The following ZNF600 variants were observed in gnomAD, a reference collection of about 807,000 sequenced individuals.
ZNF600 encodes zinc finger protein 600, also known as zinc finger protein KR-ZNF1.
ZNF600 carries 4 observed loss-of-function variants against 7.3 expected under a neutral mutation model. The ratio of observed to expected loss-of-function variants is 0.55; its 90% CI spans 0.27 to 1.25. ZNF600 has a LOEUF of 1.25. ZNF600 is among the 50% of genes most tolerant of loss of function. ZNF600 has a pLI of 0.12. For synonymous variants in ZNF600, 290 were observed against 308.9 expected (o/e 0.94, Z 0.64); for missense variants, 911 against 922.1 (o/e 0.99, Z 0.16).
chr19:52,764,364 C>CG (rs2147471786), downstream of ZNF600: 1 of 152,018 alleles, frequency 6.6e-6, no homozygotes, highest in South Asian at 2.1e-4. Context: ...GTGCACACCA[C>CG]CACCCCCCGG....
the ZNF600 span, among the ~76,000 whole-genome samples, chr19:52,793,845 C>A: frequency 1.3e-5 from 2 of 150,726 alleles, no homozygotes; most frequent in African/African-American, 2.4e-5. Flanking sequence ...TCAGTCATTT[C>A]ATGTATACGT....
At chr19:52,801,780 A>G in the ZNF600 span, 3 of 1,325,100 alleles carry the variant, frequency 2.3e-6, no homozygotes, top group East Asian at 2.3e-5. Flanking sequence ...ATATGACACA[A>G]AAAACAATAC....
the ZNF600 span, among the ~76,000 whole-genome samples, chr19:52,815,741 T>C: frequency 0.087 from 12,502 of 144,496 alleles, 2,202 homozygotes; most frequent in African/African-American, 0.22. Flanking sequence ...AGGAGAATGG[T>C]GTGAACCCAG....
chr19:52,817,275 G>C, the ZNF600 span, among the ~76,000 whole-genome samples: 3 of 152,060 alleles, frequency 2.0e-5, no homozygotes, highest in African/African-American at 7.2e-5. Context: ...GGGAGGCTGA[G>C]GCAGGAGAAT....
chr19:52,783,666 T>C (rs1568635665), intron 1 of ZNF600, among the ~76,000 whole-genome samples: 1 of 152,010 alleles, frequency 6.6e-6, no homozygotes, highest in Non-Finnish European at 1.5e-5. Context: ...TGGCCTCCCT[T>C]CGGCATTCTA....
chr19:52,809,822 A>AGGCGGC, the ZNF600 span: 115 of 527,350 alleles, frequency 2.2e-4, no homozygotes, highest in East Asian at 1.2e-3. Flanking sequence ...TGAGCGGCGA[A>AGGCGGC]GGCGGCGGCG....
At chr19:52,800,866 A>G in the ZNF600 span, 1 of 1,614,034 alleles carries the variant, frequency 6.2e-7, no homozygotes, top group South Asian at 1.1e-5. Flanking sequence ...TTACATTTGT[A>G]TGGTTTCCCT....
chr19:52,795,080 G>T, the ZNF600 span, among the ~76,000 whole-genome samples: 1 of 152,232 alleles, frequency 6.6e-6, no homozygotes, highest in Non-Finnish European at 1.5e-5. Context: ...AAATGTTTTC[G>T]TCATGAACAT....
At chr19:52,829,882 G>A in the ZNF600 span, among the ~76,000 whole-genome samples, 3 of 152,054 alleles carry the variant, frequency 2.0e-5, no homozygotes, top group South Asian at 2.1e-4. Context: ...CATCAACATC[G>A]CTGAAGGCTG....
chr19:52,766,245 C>T lies in ZNF600; in HGVS notation c.1718G>A (p.Ser573Asn), dbSNP rs753425186. ...GTATGACCTCAGACGGAAGGTCTTG[C>T]TGCACTCATTACACTTGTAAGGTTT... The change falls in exon 4 of 4, where the codon AGC becomes AAC. Residue 573 changes from serine to asparagine, a missense_variant. Ser to Asn is a conservative substitution (Grantham distance 46). Coordinates refer to ENST00000648973, the Ensembl canonical transcript of ZNF600. 16 of 1,614,076 alleles carry T rather than the reference C, an allele frequency of 9.9e-6. No individual in the cohort carries two copies. In the South Asian group the frequency reaches 1.6e-4, roughly 17 times the overall value.
At chr19:52,780,366 T>G (rs1427827034) in intron 1 of ZNF600, among the ~76,000 whole-genome samples, 1 of 152,106 alleles carries the variant, frequency 6.6e-6, no homozygotes, top group African/African-American at 2.4e-5. Flanking sequence ...GAAAGGCTGC[T>G]TGTCACTTGC....
intron 1 of ZNF600, among the ~76,000 whole-genome samples, chr19:52,785,581 A>G (rs552927940): frequency 3.3e-5 from 5 of 151,784 alleles, no homozygotes; most frequent in South Asian, 2.1e-4. Context: ...TTTCTCCCCA[A>G]TCTTTCAATC....
chr19:52,779,175 C>T (rs2062700685), intron 1 of ZNF600, among the ~76,000 whole-genome samples: 1 of 152,186 alleles, frequency 6.6e-6, no homozygotes, highest in Non-Finnish European at 1.5e-5. Flanking sequence ...CCCTTCAGGG[C>T]ACAAACCCAT....
the ZNF600 span, among the ~76,000 whole-genome samples, chr19:52,821,107 A>T: frequency 0.12 from 15,808 of 130,302 alleles, 978 homozygotes; most frequent in Admixed American, 0.25. Context: ...GGGGAGCAGC[A>T]GGGCCCAGCA....
chr19:52,791,904 A>G, the ZNF600 span, among the ~76,000 whole-genome samples: 1 of 152,180 alleles, frequency 6.6e-6, no homozygotes, highest in Non-Finnish European at 1.5e-5. Context: ...CTCTCTGTGG[A>G]TCACAGGCTG....
chr19:52,828,671 C>T, the ZNF600 span, among the ~76,000 whole-genome samples: 2 of 152,072 alleles, frequency 1.3e-5, no homozygotes, highest in Admixed American at 1.3e-4. Context: ...TTGTATAAAA[C>T]AAATTGTACA....
At chr19:52,813,249 G>GAAAAAAAA in the ZNF600 span, among the ~76,000 whole-genome samples, 29 of 62,984 alleles carry the variant, frequency 4.6e-4, 6 homozygotes, top group East Asian at 5.7e-3. Flanking sequence ...CTTGAATGGT[G>GAAAAAAAA]AAAAAAAAAA....
chr19:52,786,736 G>T (rs551141064), exon 1 of ZNF600: 22 of 374,942 alleles, frequency 5.9e-5, no homozygotes, highest in East Asian at 3.3e-4. Context: ...CTCACGCGCC[G>T]TGGTAGGACC....
chr19:52,780,477 TG>T (rs1438017671), intron 1 of ZNF600, among the ~76,000 whole-genome samples, 103 bp downstream of exon 3: 1 of 152,124 alleles, frequency 6.6e-6, no homozygotes, highest in Non-Finnish European at 1.5e-5. Flanking sequence ...CCAGTGGGGC[TG>T]GAACAGTGGA....
Sources: gnomAD v4.1 joint callset for allele counts (sites outside exome capture counted in the v4.1 genomes callset) on GRCh38, gnomAD v4.1.1 for gene constraint, MANE v1.5 for transcripts, NCBI Gene and HGNC (gene_info 2026-07-23, HGNC 2026-07-21) for gene names.